The following OSBPL9 variants were observed in gnomAD, a reference collection of about 807,000 sequenced individuals.
OSBPL9 encodes the protein oxysterol-binding protein-related protein 9.
A neutral mutation model predicts 106.6 loss-of-function variants in OSBPL9; 40 were observed. That is an observed-to-expected ratio of 0.38 (90% CI 0.29 to 0.49). OSBPL9 has a LOEUF of 0.49. Among genes scored for constraint, OSBPL9 ranks in the 20% least tolerant of loss-of-function variants. OSBPL9 has a pLI of 0.97. For synonymous variants in OSBPL9, 269 were observed against 295.4 expected, an observed-to-expected ratio of 0.91 and a Z score of 0.92; for missense variants, 609 against 887.2, an observed-to-expected ratio of 0.69 and a Z score of 3.98.
chr1:51,519,148 G>C, the OSBPL9 span: 1 of 1,336,998 alleles, frequency 7.5e-7, no homozygotes, highest in Non-Finnish European at 1.0e-6. Flanking sequence ...GAGGGCGGTG[G>C]GGGAGGGGGC....
chr1:51,735,074 T>G (rs74375845), intron 4 of OSBPL9, among the ~76,000 whole-genome samples: 3,280 of 152,306 alleles, frequency 0.022, 65 homozygotes, highest in African/African-American at 0.056. Flanking sequence ...TTTACAGCTT[T>G]CAGCATCTGG....
In OSBPL9 at chr1:51,765,912, G is replaced by T; in HGVS notation, c.869G>T (p.Ser290Ile). Residue 290 changes from serine to isoleucine, a missense_variant, in exon 12 of 24, where the codon AGC becomes ATC. Coordinates refer to ENST00000428468, the MANE Select transcript of OSBPL9 (RefSeq NM_024586.6). ...ACAGTCCCAGAGTTCTCTTACTCCA[G>T]CAGTGAAGATGAATTTTATGATGCT... Reference protein sequence around the residue: ...PNTVPEFSYSSSEDEFYDADE... With the variant: ...PNTVPEFSYSISEDEFYDADE... 4 of 1,614,028 alleles carry T rather than the reference G, an allele frequency of 2.5e-6. No homozygotes were observed. The highest frequency in any genetic ancestry group is 3.4e-6 in the Non-Finnish European group (4 of 1,179,962).
At chr1:51,522,997 T>A in the OSBPL9 span, among the ~76,000 whole-genome samples, 1 of 152,060 alleles carries the variant, frequency 6.6e-6, no homozygotes, top group Non-Finnish European at 1.5e-5. Context: ...TGGCTCACAT[T>A]TGTAATTTTA....
chr1:51,658,088 A>G (rs913477894), intron 2 of OSBPL9, among the ~76,000 whole-genome samples: 4 of 151,738 alleles, frequency 2.6e-5, no homozygotes, highest in African/African-American at 9.7e-5. Context: ...AGCCTGGGTA[A>G]CAGAGCAAGA....
intron 3 of OSBPL9, among the ~76,000 whole-genome samples, chr1:51,702,452 AG>A (rs1325655587): frequency 1.2e-3 from 183 of 152,304 alleles, no homozygotes; most frequent in Middle Eastern, 0.01. Flanking sequence ...TCTTCTTTTG[AG>A]AAGTGTCTGT....
intron 1 of OSBPL9, among the ~76,000 whole-genome samples, chr1:51,580,895 T>C (rs1177783053): frequency 0.05 from 5 of 100 alleles, no homozygotes; most frequent in African/African-American, 0.11. Flanking sequence ...CTAGCCATTA[T>C]ATATATATAT....
intron 8 of OSBPL9, among the ~76,000 whole-genome samples, chr1:51,754,452 A>C (rs1405250692): frequency 2.0e-5 from 3 of 152,194 alleles, no homozygotes; most frequent in Non-Finnish European, 4.4e-5. Flanking sequence ...GAGACTATTA[A>C]CATTTTTCAA....
rs144416097 is a variant in OSBPL9 at position 51,579,431 on chromosome 1, G to T, written c.-423+2175G>T. Among the ~76,000 whole-genome samples the T allele has an allele frequency of 3.7e-3, 567 of 152,248 alleles. 3 individuals are homozygous for T. The highest frequency in any genetic ancestry group is 5.4e-3 in the Non-Finnish European group (367 of 68,014). On this transcript the variant is annotated intron_variant, in intron 1 of 25. Transcript: ENST00000371714. ...CTAGTCCTTAGCCTCAGACAGATTA[G>T]ATCCATTAGAAATGCTTATTTAGAT... is the stretch of plus-strand genomic sequence containing the variant.
At chr1:51,633,155 C>T (rs906208264) in intron 1 of OSBPL9, among the ~76,000 whole-genome samples, 7 of 151,868 alleles carry the variant, frequency 4.6e-5, no homozygotes, top group East Asian at 4.0e-4. Context: ...GACGTGGTTT[C>T]GCCATGTTGG....
At chr1:51,672,593 T>G (rs1650154551) in intron 3 of OSBPL9, among the ~76,000 whole-genome samples, 2 of 152,324 alleles carry the variant, frequency 1.3e-5, no homozygotes, top group South Asian at 4.1e-4. Context: ...TCATACCATA[T>G]GTACTCTCTT....
chr1:51,661,154 A>G (rs1005165070), intron 2 of OSBPL9, among the ~76,000 whole-genome samples: 1 of 152,182 alleles, frequency 6.6e-6, no homozygotes, highest in Non-Finnish European at 1.5e-5. Flanking sequence ...GTAGAGTTAT[A>G]ATGGGAGTAG....
intron 2 of OSBPL9, among the ~76,000 whole-genome samples, chr1:51,668,600 T>A (rs1174859291): frequency 2.0e-5 from 3 of 152,132 alleles, no homozygotes; most frequent in African/African-American, 7.2e-5. Flanking sequence ...CCAGCCTGGG[T>A]GACAGCCTAG....
chr1:51,745,463 G>A, intron 4 of OSBPL9, 73 bp from the exon 5 acceptor site: 1 of 1,550,764 alleles, frequency 6.4e-7, no homozygotes, highest in Non-Finnish European at 8.7e-7. Flanking sequence ...CATGTATGAA[G>A]GGAAAAGTAT....
chr1:51,769,605 C>A (rs55841208), intron 12 of OSBPL9, among the ~76,000 whole-genome samples: 1 of 152,178 alleles, frequency 6.6e-6, no homozygotes, highest in South Asian at 2.1e-4. Context: ...TTTTTGCATA[C>A]TTTATGATTT....
intron 2 of OSBPL9, among the ~76,000 whole-genome samples, chr1:51,652,728 A>G (rs1409579494): frequency 6.6e-6 from 1 of 152,240 alleles, no homozygotes; most frequent in Non-Finnish European, 1.5e-5. Context: ...CAATAGCCAC[A>G]TGTGACTAGT....
intron 3 of OSBPL9, among the ~76,000 whole-genome samples, chr1:51,713,385 G>A (rs1660468768): frequency 6.6e-6 from 1 of 151,956 alleles, no homozygotes; most frequent in South Asian, 2.1e-4. Flanking sequence ...CTTGACCTCA[G>A]GTGATCCGCC....
Position 51,602,210 on chromosome 1 carries a change from C to T in OSBPL9, c.-353+4017C>T, listed in dbSNP as rs144581115. Among the ~76,000 whole-genome samples the T allele has an allele frequency of 2.2e-3, 328 of 150,992 alleles. 9 individuals carry two copies. In the East Asian group the frequency reaches 0.051, roughly 24 times the overall value. On this transcript the variant is annotated intron_variant, in intron 2 of 25. Coordinates refer to the OSBPL9 transcript ENST00000371714. ...TAATGTTTTGTATTTTTAGTAGAGA[C>T]GGGGTTTCACCGTGGTCTCGATCTC...
intron 2 of OSBPL9, among the ~76,000 whole-genome samples, chr1:51,598,839 C>T (rs1186793758): frequency 6.6e-6 from 1 of 151,910 alleles, no homozygotes; most frequent in Non-Finnish European, 1.5e-5. Context: ...ATTAAGAATA[C>T]AAAAATTAGC....
Position 51,694,953 on chromosome 1 carries a change from G to A in OSBPL9, c.242-19050G>A, listed in dbSNP as rs182041668. Among the ~76,000 whole-genome samples, 47 of 152,216 alleles carry A rather than the reference G, an allele frequency of 3.1e-4. No individual in the cohort carries two copies. In the East Asian group the frequency reaches 8.1e-3, roughly 26 times the overall value. ...TCGGGGAAATGTTTGCCAAACACCC[G>A]AGAGTGAATAATTTAGTTTGTCATT... On this transcript the variant is annotated intron_variant, in intron 3 of 23. Transcript: ENST00000428468.
Sources: gnomAD v4.1 joint callset for allele counts (sites outside exome capture counted in the v4.1 genomes callset) on GRCh38, gnomAD v4.1.1 for gene constraint, MANE v1.5 for transcripts, NCBI Gene and HGNC (gene_info 2026-07-23, HGNC 2026-07-21) for gene names.